The following ANKS1B variants were observed in gnomAD, a reference collection of about 807,000 sequenced individuals.
ANKS1B encodes ankyrin repeat and sterile alpha motif domain containing 1B, also known as ankyrin repeat and sterile alpha motif domain-containing protein 1B.
In ANKS1B, 36 loss-of-function variants were observed where a neutral mutation model predicts 148.3. The ratio of observed to expected loss-of-function variants is 0.24; its 90% confidence interval spans 0.19 to 0.32. The LOEUF (loss-of-function observed/expected upper bound fraction) is 0.32. Ranked by LOEUF, ANKS1B falls within the 10% of genes least tolerant of loss-of-function variation. The pLI is 1.00. For missense variants in ANKS1B, 1,157 were observed against 1,542.6 expected, an observed-to-expected ratio of 0.75 and a Z score of 4.19; for synonymous variants, 542 against 560.8, an observed-to-expected ratio of 0.97 and a Z score of 0.47.
chr12:99,973,050 C>G (rs144866466), intron 1 of ANKS1B, among the ~76,000 whole-genome samples: 2 of 152,276 alleles, frequency 1.3e-5, no homozygotes, highest in East Asian at 3.9e-4. Flanking sequence ...AGACCTACCA[C>G]TCACAGAAAA....
intron 8 of ANKS1B, among the ~76,000 whole-genome samples, chr12:99,741,312 T>A (rs1056049587): frequency 6.6e-6 from 1 of 151,588 alleles, no homozygotes; most frequent in Non-Finnish European, 1.5e-5. Context: ...TGATGGGAGT[T>A]CGACCATTGT....
chr12:99,183,498 C>T (rs2079392729), intron 14 of ANKS1B, among the ~76,000 whole-genome samples: 3 of 152,092 alleles, frequency 2.0e-5, no homozygotes, highest in Admixed American at 2.0e-4. Flanking sequence ...AAAAAATTAG[C>T]CAGGCGTGGT....
At chr12:99,214,644 C>T (rs1347847492) in intron 14 of ANKS1B, among the ~76,000 whole-genome samples, 1 of 152,198 alleles carries the variant, frequency 6.6e-6, no homozygotes, top group East Asian at 1.9e-4. Context: ...TACCCAGTCT[C>T]ATAGCAGTAT....
intron 1 of ANKS1B, among the ~76,000 whole-genome samples, chr12:99,844,324 T>G (rs2086262483): frequency 6.6e-6 from 1 of 152,228 alleles, no homozygotes; most frequent in Non-Finnish European, 1.5e-5. Flanking sequence ...CATGCCTATG[T>G]CCTGAATGAT....
intron 9 of ANKS1B, among the ~76,000 whole-genome samples, chr12:99,628,612 T>A (rs2098130907): frequency 6.6e-6 from 1 of 152,216 alleles, no homozygotes; most frequent in Non-Finnish European, 1.5e-5. Context: ...TGTGTTGCTA[T>A]TAGTATAACA....
chr12:99,776,471 G>C (rs1223877819), intron 6 of ANKS1B, among the ~76,000 whole-genome samples: 2 of 152,232 alleles, frequency 1.3e-5, no homozygotes, highest in East Asian at 3.9e-4. Context: ...ATAAATATAA[G>C]ACAAGAAAAC....
chr12:99,187,861 A>G (rs1329095963), intron 14 of ANKS1B, among the ~76,000 whole-genome samples: 2 of 152,214 alleles, frequency 1.3e-5, no homozygotes, highest in Non-Finnish European at 2.9e-5. Flanking sequence ...TTAAATGTAA[A>G]TGGGCTAAAT....
At chr12:99,501,252 T>C (rs1318882669) in intron 10 of ANKS1B, among the ~76,000 whole-genome samples, 1 of 151,376 alleles carries the variant, frequency 6.6e-6, no homozygotes, top group Non-Finnish European at 1.5e-5. Flanking sequence ...CGGCTCTTCC[T>C]TGTTTTTGTT....
intron 4 of ANKS1B, among the ~76,000 whole-genome samples, chr12:99,800,070 C>T (rs575996089): frequency 6.6e-6 from 1 of 152,198 alleles, no homozygotes; most frequent in African/African-American, 2.4e-5. Context: ...TGCCCCAAAA[C>T]TCACATGCTA....
intron 24 of ANKS1B, among the ~76,000 whole-genome samples, chr12:98,777,948 G>A (rs1251490241): frequency 2.0e-5 from 3 of 152,216 alleles, no homozygotes; most frequent in African/African-American, 7.2e-5. Flanking sequence ...GTGGAAGGTA[G>A]CTGTGGAGTA....
At chr12:99,748,694 G>A (rs986989515) in intron 8 of ANKS1B, among the ~76,000 whole-genome samples, 2 of 151,968 alleles carry the variant, frequency 1.3e-5, no homozygotes, top group Non-Finnish European at 2.9e-5. Context: ...TTGAATCGTG[G>A]TAAGTTCTCT....
At chr12:99,240,888 A>G (rs1237283522) in intron 14 of ANKS1B, among the ~76,000 whole-genome samples, 1 of 152,262 alleles carries the variant, frequency 6.6e-6, no homozygotes, top group Non-Finnish European at 1.5e-5. Flanking sequence ...TCTGGGATAC[A>G]TTTAAAGCAG....
intron 8 of ANKS1B, among the ~76,000 whole-genome samples, chr12:99,668,478 T>C (rs545419000): frequency 5.5e-4 from 84 of 152,228 alleles, no homozygotes; most frequent in Middle Eastern, 6.8e-3. Flanking sequence ...TTTTCCTATA[T>C]AAGAACTGAA....
intron 12 of ANKS1B, among the ~76,000 whole-genome samples, chr12:99,322,508 T>C (rs75284628): frequency 0.026 from 3,727 of 145,576 alleles, 160 homozygotes; most frequent in African/African-American, 0.089. Flanking sequence ...AAGAAAAAAA[T>C]CTCAGTACAA....
chr12:99,867,690 C>T (rs578074690), intron 1 of ANKS1B, among the ~76,000 whole-genome samples: 2 of 152,310 alleles, frequency 1.3e-5, no homozygotes, highest in Admixed American at 1.3e-4. Flanking sequence ...ATTATGGGAG[C>T]TACAATTCAA....
At chr12:99,876,615 A>G (rs1014199390) in intron 1 of ANKS1B, among the ~76,000 whole-genome samples, 1 of 152,018 alleles carries the variant, frequency 6.6e-6, no homozygotes, top group African/African-American at 2.4e-5. Context: ...CTGTAGTCCC[A>G]GCTACTCGGG....
chr12:98,846,577 C>A (rs749780754), intron 17 of ANKS1B, among the ~76,000 whole-genome samples: 2 of 152,220 alleles, frequency 1.3e-5, no homozygotes, highest in Non-Finnish European at 2.9e-5. Flanking sequence ...GATATGGAGA[C>A]AACTGATGAT....
chr12:98,888,177 AC>A (rs113930215), intron 17 of ANKS1B, among the ~76,000 whole-genome samples: 1 of 152,164 alleles, frequency 6.6e-6, no homozygotes, highest in Non-Finnish European at 1.5e-5. Flanking sequence ...TAATACAATG[AC>A]TTTTTTCCTT....
At chr12:99,122,995 A>ATATATATATATATATATATATATATATAT (rs57571566) in intron 15 of ANKS1B, among the ~76,000 whole-genome samples, 3 of 141,534 alleles carry the variant, frequency 2.1e-5, no homozygotes, top group African/African-American at 8.0e-5. Context: ...AATTAAAAAA[A>ATATATATATATATATATATATATATATAT]AAATATATAT....
Sources: allele counts gnomAD v4.1 joint callset (sites outside exome capture counted in the v4.1 genomes callset), GRCh38; gene constraint gnomAD v4.1.1; transcripts MANE v1.5; gene names NCBI Gene and HGNC (gene_info 2026-07-23, HGNC 2026-07-21).